PIGL: variants seen among roughly 807,000 people sequenced by gnomAD.
PIGL encodes phosphatidylinositol glycan anchor biosynthesis class L, also known as N-acetylglucosaminyl-phosphatidylinositol de-N-acetylase.
A neutral mutation model predicts 31.1 loss-of-function variants in PIGL; 22 were observed. The ratio of observed to expected loss-of-function variants is 0.71; its 90% CI spans 0.51 to 1.01. The LOEUF is 1.01. PIGL is among the 50% of genes least tolerant of loss of function. The pLI, the probability that PIGL is intolerant of heterozygous loss-of-function variation, is 0.00. For missense variants in PIGL, 302 were observed against 315.9 expected (o/e 0.96, Z 0.33); for synonymous variants, 131 against 117.4 (o/e 1.12, Z -0.75).
chr17:16,287,163 C>T (rs1372685547), intron 2 of PIGL, among the ~76,000 whole-genome samples: 1 of 152,242 alleles, frequency 6.6e-6, no homozygotes, highest in Non-Finnish European at 1.5e-5. Flanking sequence ...AAGCCGCAGG[C>T]TGGTTCCAGC....
At chr17:16,239,242 G>T (rs2092712706) in intron 2 of PIGL, among the ~76,000 whole-genome samples, 1 of 151,504 alleles carries the variant, frequency 6.6e-6, no homozygotes, top group South Asian at 2.1e-4. Context: ...CCAGCACTTT[G>T]GGAGGCCGAG....
intron 3 of PIGL, among the ~76,000 whole-genome samples, chr17:16,306,850 C>A (rs924576234): frequency 3.3e-5 from 5 of 152,072 alleles, no homozygotes; most frequent in African/African-American, 1.2e-4. Context: ...AATATCAACA[C>A]CGAAGGGGTG....
At chr17:16,311,303 TTTA>T (rs942249553) in intron 3 of PIGL, among the ~76,000 whole-genome samples, 2 of 150,426 alleles carry the variant, frequency 1.3e-5, no homozygotes, top group Admixed American at 6.6e-5. Context: ...TTTTCTTTTT[TTTA>T]GCAATTATTA....
chr17:16,224,216 C>T (rs1231469401), intron 1 of PIGL, among the ~76,000 whole-genome samples: 2 of 151,936 alleles, frequency 1.3e-5, no homozygotes, highest in African/African-American at 4.8e-5. Context: ...AGCAAGACTC[C>T]GTCTCAGGGG....
At chr17:16,220,790 G>A (rs900621806) in intron 1 of PIGL, among the ~76,000 whole-genome samples, 2 of 151,718 alleles carry the variant, frequency 1.3e-5, no homozygotes, top group Non-Finnish European at 2.9e-5. Context: ...GCCCAGCCAC[G>A]CCAGGCTAAT....
In PIGL at chr17:16,313,623, C is replaced by T. The variant is rs779667703; in HGVS notation, c.494+9C>T. On this transcript the variant is annotated intron_variant, in intron 4 of 6. Transcript: ENST00000225609. ...CTGTATGCAGCTGTGAGGTATGATT[C>T]TCCGGGTGATGGATGTGGGGGAGGG... The T allele has an allele frequency of 6.2e-7, 1 of 1,604,494 alleles. No homozygotes were observed. Among genetic ancestry groups the T allele is most frequent in the Non-Finnish European group, 8.5e-7 (1 of 1,171,282 alleles).
At chr17:16,274,797 C>T (rs1160188069) in intron 2 of PIGL, among the ~76,000 whole-genome samples, 2 of 151,496 alleles carry the variant, frequency 1.3e-5, no homozygotes, top group South Asian at 2.1e-4. Flanking sequence ...TTTAGGAGGC[C>T]GAGGGGGGCG....
chr17:16,312,009 G>T lies in PIGL; in HGVS notation c.427-1538G>T, dbSNP rs371924299. ...GACGGGGTGGTGGCCGGGCAGAGGGGCTCCTCACTTCCCAGACGGGGTGGC... is the reference window on the plus strand; with the variant it reads ...GACGGGGTGGTGGCCGGGCAGAGGGTCTCCTCACTTCCCAGACGGGGTGGC... On this transcript the variant is annotated intron_variant, in intron 3 of 6. Transcript: ENST00000225609. 8.6e-5 allele frequency among the ~76,000 whole-genome samples: 13 copies of T among 151,994 alleles called. No homozygotes were observed. In the East Asian group the frequency reaches 2.1e-3, roughly 25 times the overall value.
At chr17:16,304,884 G>A (rs927135219) in intron 3 of PIGL, among the ~76,000 whole-genome samples, 3 of 152,148 alleles carry the variant, frequency 2.0e-5, no homozygotes, top group Non-Finnish European at 4.4e-5. Context: ...TTTGAGACTG[G>A]ATAATTTGTT....
intron 2 of PIGL, among the ~76,000 whole-genome samples, chr17:16,267,703 GAAAAAAAGAAA>G (rs946778492): frequency 4.5e-5 from 6 of 133,430 alleles, no homozygotes; most frequent in African/African-American, 7.2e-5. Context: ...TCAAAAAAAA[GAAAAAAAGAAA>G]AAAAAAAGAA....
intron 2 of PIGL, among the ~76,000 whole-genome samples, chr17:16,270,527 A>G (rs904635248): frequency 1.3e-5 from 2 of 152,064 alleles, no homozygotes; most frequent in Non-Finnish European, 2.9e-5. Context: ...CTGAGAAAAA[A>G]TTATGCAGTA....
At position 16,258,492 on chromosome 17, in the gene PIGL, T is replaced by TTTTATTTA. The variant is rs577163154; in HGVS notation, c.335+24442_335+24449dup. ...CTCACCTGGCCTCTTTTATTTTTAT[T>TTTTATTTA]TTTATTTATTTATTTATTTATTTAT... is the stretch of plus-strand genomic sequence containing the variant. On this transcript the variant is annotated intron_variant, in intron 2 of 6. Transcript: ENST00000225609. 4.0e-5 allele frequency among the ~76,000 whole-genome samples: 6 copies of TTTTATTTA among 150,934 alleles called. No individual in the cohort carries two copies. The South Asian group carries it at 6.3e-4, about 16-fold the overall frequency.
intron 2 of PIGL, among the ~76,000 whole-genome samples, chr17:16,293,390 T>G (rs139653086): frequency 0.016 from 2,439 of 152,258 alleles, 59 homozygotes; most frequent in African/African-American, 0.055. Context: ...TAGCCGGGTG[T>G]GGTGGCGGGC....
At chr17:16,295,693 C>T (rs1259364097) in intron 2 of PIGL, among the ~76,000 whole-genome samples, 5 of 152,084 alleles carry the variant, frequency 3.3e-5, no homozygotes, top group African/African-American at 7.2e-5. Context: ...CCTGTACTCC[C>T]AGCACTTTGG....
intron 2 of PIGL, among the ~76,000 whole-genome samples, chr17:16,287,085 C>T (rs777180894): frequency 6.6e-6 from 1 of 152,246 alleles, no homozygotes; most frequent in Non-Finnish European, 1.5e-5. Context: ...GAGCCCCGCT[C>T]TGGTGGTGTG....
intron 6 of PIGL, among the ~76,000 whole-genome samples, chr17:16,323,350 C>T (rs1010816772): frequency 6.6e-6 from 1 of 152,084 alleles, no homozygotes; most frequent in Non-Finnish European, 1.5e-5. Flanking sequence ...TCTCCTGCCT[C>T]AGCCTCCCAG....
chr17:16,307,866 G>A (rs1334502899), intron 3 of PIGL, among the ~76,000 whole-genome samples: 1 of 151,132 alleles, frequency 6.6e-6, no homozygotes, highest in Non-Finnish European at 1.5e-5. Flanking sequence ...AGCTACTTGG[G>A]AGAGGAAGAC....
rs142761348 is a variant in PIGL, at chr17:16,238,791, C to T, written c.335+4721C>T. ...AGATGTGGTGGTACGTGCCTGTAAT[C>T]CCAGCTACTCATGAGGCTGAGGCAG... On this transcript the variant is annotated intron_variant, in intron 2 of 6. Coordinates refer to ENST00000225609, the MANE Select transcript of PIGL (RefSeq NM_004278.4). 6.3e-3 allele frequency among the ~76,000 whole-genome samples: 944 copies of T among 150,502 alleles called. 18 individuals carry two copies. The highest frequency in any genetic ancestry group is 0.021 in the African/African-American group (874 of 41,014).
intron 2 of PIGL, among the ~76,000 whole-genome samples, chr17:16,286,729 G>T (rs2092939534): frequency 6.6e-6 from 1 of 152,120 alleles, no homozygotes; most frequent in Admixed American, 6.5e-5. Context: ...GCAAGAGTTG[G>T]CTTCTTCTGT....
Sources: allele counts gnomAD v4.1 joint callset (sites outside exome capture counted in the v4.1 genomes callset), GRCh38; gene constraint gnomAD v4.1.1; transcripts MANE v1.5; gene names NCBI Gene and HGNC (gene_info 2026-07-23, HGNC 2026-07-21).